Variants in KLF17 observed in about 807,000 individuals in gnomAD.
KLF17 encodes Krueppel-like factor 17.
KLF17 carries 31 observed loss-of-function variants against 34.2 expected under a neutral mutation model. The ratio of observed to expected loss-of-function variants is 0.91; its 90% CI spans 0.68 to 1.22. The LOEUF (loss-of-function observed/expected upper bound fraction) is 1.22. Ranked by LOEUF, KLF17 falls within the 50% of genes most tolerant of loss-of-function variation. KLF17 has a pLI of 0.00. For synonymous variants in KLF17, 179 were observed against 186.7 expected, an observed-to-expected ratio of 0.96 and a Z score of 0.34; for missense variants, 478 against 505.2, an observed-to-expected ratio of 0.95 and a Z score of 0.52.
chr1:44,090,631 G>A, the KLF17 span, among the ~76,000 whole-genome samples: 4 of 152,044 alleles, frequency 2.6e-5, no homozygotes, highest in Admixed American at 6.6e-5. Flanking sequence ...GAAACAACAC[G>A]AAAACGAATC....
chr1:44,093,652 C>T, the KLF17 span, among the ~76,000 whole-genome samples: 1 of 152,194 alleles, frequency 6.6e-6, no homozygotes, highest in Non-Finnish European at 1.5e-5. Context: ...GCCTCTGCCT[C>T]CCAAAGTGCT....
At chr1:44,061,546 A>G in the KLF17 span, among the ~76,000 whole-genome samples, 3 of 152,198 alleles carry the variant, frequency 2.0e-5, no homozygotes, top group Non-Finnish European at 4.4e-5. Context: ...TTCCTTGGCA[A>G]TGACCTGACA....
intron 1 of KLF17, among the ~76,000 whole-genome samples, chr1:44,120,291 A>G (rs1438913736): frequency 1.3e-5 from 2 of 152,260 alleles, no homozygotes; most frequent in African/African-American, 4.8e-5. Context: ...GCCAGAGCGA[A>G]GATTCCAGAT....
At chr1:44,051,555 T>G in the KLF17 span, 2 of 152,116 alleles carry the variant, frequency 1.3e-5, no homozygotes, top group Non-Finnish European at 2.9e-5. Context: ...TTAAAGCCTT[T>G]GGCTAAGAGG....
At chr1:44,110,819 A>T in the KLF17 span, among the ~76,000 whole-genome samples, 1 of 152,050 alleles carries the variant, frequency 6.6e-6, no homozygotes, top group East Asian at 1.9e-4. Context: ...TTATATAAAA[A>T]AATTGGTCAG....
intron 1 of KLF17, among the ~76,000 whole-genome samples, chr1:44,124,385 A>G (rs1250111388): frequency 2.7e-5 from 4 of 149,118 alleles, no homozygotes; most frequent in Admixed American, 6.7e-5. Context: ...GCTGGAGTGC[A>G]GTGGCTGGAT....
At chr1:44,099,867 A>G in the KLF17 span, among the ~76,000 whole-genome samples, 43 of 64,792 alleles carry the variant, frequency 6.6e-4, no homozygotes, top group Admixed American at 1.0e-3. Context: ...GAAAGAAAGA[A>G]AGAAAGAAAG....
rs1208235082 is a variant in KLF17, at chr1:44,127,624, CTTTTCT to C, written c.82-1725_82-1720del. ...TCCCTTTCTTTCTTTCTTTTCTTTT[CTTTTCT>C]TTTCTTTCCTTCTTTCTTTCTTTCT... On this transcript the variant is annotated intron_variant, in intron 1 of 3. Transcript: ENST00000372299. Among the ~76,000 whole-genome samples the C allele has an allele frequency of 1.4e-4, 9 of 63,808 alleles. 1 individual carries two copies. The highest frequency in any genetic ancestry group is 5.2e-4 in the African/African-American group (9 of 17,308). 41.9% of individuals were successfully genotyped at this position (63,808 alleles called of 152,430 possible).
the KLF17 span, among the ~76,000 whole-genome samples, chr1:44,068,612 C>T: frequency 1.3e-4 from 20 of 152,330 alleles, no homozygotes; most frequent in African/African-American, 4.8e-4. Flanking sequence ...GGCAGTTTTT[C>T]CCAAGCTGCC....
At chr1:44,124,958 G>A (rs2087991316) in intron 1 of KLF17, among the ~76,000 whole-genome samples, 1 of 152,072 alleles carries the variant, frequency 6.6e-6, no homozygotes, top group Admixed American at 6.5e-5. Flanking sequence ...TTCAGTTACT[G>A]ATCTCACTAA....
At chr1:44,044,184 C>G in the KLF17 span, among the ~76,000 whole-genome samples, 1 of 152,204 alleles carries the variant, frequency 6.6e-6, no homozygotes, top group Non-Finnish European at 1.5e-5. Context: ...GACCCTGACT[C>G]TGGGAAGCTG....
the KLF17 span, among the ~76,000 whole-genome samples, chr1:44,094,401 A>T: frequency 6.6e-6 from 1 of 152,080 alleles, no homozygotes; most frequent in African/African-American, 2.4e-5. Flanking sequence ...TTGTGGTCTT[A>T]GTCAAGAAAT....
Position 44,119,468 on chromosome 1 carries a change from C to T in KLF17, c.81+480C>T, listed in dbSNP as rs549049799. On this transcript the variant is annotated intron_variant, in intron 1 of 3. Coordinates refer to ENST00000372299, the MANE Select transcript of KLF17 (RefSeq NM_173484.4). ...TACTAAGTGGTAGGCTTTTCCCAGACCCTGGAAATACAATGATGAATTTAC... is the reference window on the plus strand; with the variant it reads ...TACTAAGTGGTAGGCTTTTCCCAGATCCTGGAAATACAATGATGAATTTAC... Among the ~76,000 whole-genome samples the T allele has an allele frequency of 1.9e-3, 286 of 151,098 alleles. 3 individuals are homozygous for T. Among genetic ancestry groups the T allele is most frequent in the African/African-American group, 6.4e-3 (263 of 41,156 alleles).
At chr1:44,073,305 C>T in the KLF17 span, among the ~76,000 whole-genome samples, 1 of 150,418 alleles carries the variant, frequency 6.6e-6, no homozygotes, top group Non-Finnish European at 1.5e-5. Context: ...TTCCTGGGTT[C>T]AAGCGATTCT....
the KLF17 span, chr1:44,104,809 G>T: frequency 5.2e-6 from 1 of 192,294 alleles, no homozygotes; most frequent in Admixed American, 5.6e-5. Flanking sequence ...TTCAGCAATG[G>T]GAATGACTGA....
Position 44,129,568 on chromosome 1 carries a change from C to T in KLF17, c.297C>T (p.Ser99=). 1 of 1,613,986 alleles carries T rather than the reference C, an allele frequency of 6.2e-7. No individual in the cohort carries two copies. The highest frequency in any genetic ancestry group is 1.1e-5 in the South Asian group (1 of 91,024). The change falls in exon 2 of 4, where the codon AGC becomes AGT. Residue 99 remains serine (S), a synonymous_variant. Coordinates refer to ENST00000372299, the MANE Select transcript of KLF17 (RefSeq NM_173484.4). ...TGCCACTGCCTGAGCGTGGTATGAG[C>T]TACTGCCCCCAAGCGACTCTCACTC... is the stretch of plus-strand genomic sequence containing the variant. The part of the protein sequence containing the change: ...FSMPLPERGM[S]YCPQATLTPS...
At chr1:44,061,528 C>G in the KLF17 span, among the ~76,000 whole-genome samples, 1 of 152,182 alleles carries the variant, frequency 6.6e-6, no homozygotes, top group Non-Finnish European at 1.5e-5. Context: ...CCTGAAGTTA[C>G]CACCTCTTTC....
In KLF17 at chr1:44,118,836, T is replaced by A; in HGVS notation, c.-72T>A. 1 of 1,189,156 alleles carries A rather than the reference T, an allele frequency of 8.4e-7. No homozygotes were observed. The highest frequency in any genetic ancestry group is 1.6e-5 in the South Asian group (1 of 61,988). 73.7% of individuals were successfully genotyped at this position (1,189,156 alleles called of 1,614,324 possible). A position where few individuals can be genotyped will look rare whatever the true frequency, so the allele number is the denominator to read the frequency against. On this transcript the variant is annotated 5_prime_UTR_variant, in exon 1 of 4. Transcript: ENST00000372299. ...TGATTGTGGCGTGGCGATGTACCGATACCCGCCTGCGACGCCGTGGTGGCT... is the reference window on the plus strand; with the variant it reads ...TGATTGTGGCGTGGCGATGTACCGAAACCCGCCTGCGACGCCGTGGTGGCT...
At chr1:44,048,040 G>GTGTC in the KLF17 span, 2 of 149,532 alleles carry the variant, frequency 1.3e-5, no homozygotes, top group African/African-American at 5.0e-5. Flanking sequence ...GTGTGTGTGT[G>GTGTC]CACGTGCACG....
Sources: allele counts gnomAD v4.1 joint callset (sites outside exome capture counted in the v4.1 genomes callset), GRCh38; gene constraint gnomAD v4.1.1; transcripts MANE v1.5; gene names NCBI Gene and HGNC (gene_info 2026-07-23, HGNC 2026-07-21).